Variants in PSIP1 observed in about 807,000 individuals in gnomAD.
PSIP1 encodes PC4 and SRSF1 interacting protein 1.
A neutral mutation model predicts 74.7 loss-of-function variants in PSIP1; 19 were observed. The observed-to-expected ratio is 0.25, with a 90% CI of 0.18 to 0.37. PSIP1 has a LOEUF of 0.37. Among genes scored for constraint, PSIP1 ranks in the 10% least tolerant of loss-of-function variants. PSIP1 has a pLI of 1.00. For synonymous variants in PSIP1, 222 were observed against 195.3 expected (o/e 1.14, Z -1.14); for missense variants, 601 against 614.3 (o/e 0.98, Z 0.23).
At chr9:15,483,625 C>A (rs1490184068) in intron 6 of PSIP1, among the ~76,000 whole-genome samples, 2 of 152,106 alleles carry the variant, frequency 1.3e-5, no homozygotes, top group African/African-American at 2.4e-5. Context: ...TTACTGACTA[C>A]TCAAATCCAT....
chr9:15,504,354 T>TA (rs144809181), intron 3 of PSIP1, among the ~76,000 whole-genome samples: 36,500 of 152,118 alleles, frequency 0.24, 7,362 homozygotes, highest in African/African-American at 0.56. Context: ...CATATATTTA[T>TA]ATATGAAAAT....
intron 2 of PSIP1, among the ~76,000 whole-genome samples, chr9:15,508,593 A>G (rs73423336): frequency 0.025 from 3,813 of 152,282 alleles, 157 homozygotes; most frequent in African/African-American, 0.086. Context: ...GCAAATCGGA[A>G]TATAGATCTA....
intron 7 of PSIP1, among the ~76,000 whole-genome samples, chr9:15,479,260 T>C (rs2132084372): frequency 6.6e-6 from 1 of 152,288 alleles, no homozygotes; most frequent in Admixed American, 6.5e-5. Flanking sequence ...TCAAATGCTA[T>C]TTCTCATTCT....
chr9:15,477,952 C>G (rs80175383), intron 8 of PSIP1, among the ~76,000 whole-genome samples: 1 of 150,976 alleles, frequency 6.6e-6, no homozygotes, highest in Non-Finnish European at 1.5e-5. Flanking sequence ...AGCCTGGGAA[C>G]GATGAGACCA....
At chr9:15,491,457 G>C (rs966279738) in intron 3 of PSIP1, among the ~76,000 whole-genome samples, 2 of 152,178 alleles carry the variant, frequency 1.3e-5, no homozygotes, top group African/African-American at 4.8e-5. Flanking sequence ...TGTACAACAA[G>C]TACTACTGAT....
chr9:15,469,084 AG>A (rs768873879), intron 12 of PSIP1, 26 bp from the exon 13 acceptor site: 1 of 1,579,190 alleles, frequency 6.3e-7, no homozygotes, highest in Non-Finnish European at 8.7e-7. Flanking sequence ...GTAATTTCAT[AG>A]CTGTTAATTA....
At chr9:15,498,046 T>A (rs1009358398) in intron 3 of PSIP1, among the ~76,000 whole-genome samples, 1 of 152,176 alleles carries the variant, frequency 6.6e-6, no homozygotes, top group African/African-American at 2.4e-5. Flanking sequence ...AATTTTATAT[T>A]ATAAAATCAC....
intron 14 of PSIP1, 157 bp downstream of exon 14, chr9:15,468,473 G>C: frequency 1.2e-6 from 1 of 835,500 alleles, no homozygotes; most frequent in East Asian, 2.4e-5. Context: ...CACTGCTCTA[G>C]TCCTTCAATA....
chr9:15,506,455 T>G, intron 3 of PSIP1, 106 bp downstream of exon 3: 1 of 783,512 alleles, frequency 1.3e-6, no homozygotes, highest in Non-Finnish European at 2.0e-6. Context: ...GTTCAAAGAT[T>G]TTAAAGTTTC....
chr9:15,488,785 G>A (rs1405023933), intron 4 of PSIP1, among the ~76,000 whole-genome samples: 1 of 152,066 alleles, frequency 6.6e-6, no homozygotes, highest in East Asian at 1.9e-4. Context: ...ACTCTGGGGG[G>A]CCGAGGCGGG....
In PSIP1 at chr9:15,510,237, A is replaced by T; in HGVS notation, c.-49T>A. ...CCGAAGCCCGGGAGGCGGCGAGGAG[A>T]TGCGGCGGCGCGGGGATGCGGGCGG... is the stretch of plus-strand genomic sequence containing the variant. On this transcript the variant is annotated 5_prime_UTR_variant, in exon 2 of 16. Coordinates refer to ENST00000380733, the MANE Select transcript of PSIP1 (RefSeq NM_033222.5). 1 of 1,564,170 alleles carries T rather than the reference A, an allele frequency of 6.4e-7. No individual in the cohort carries two copies. The highest frequency in any genetic ancestry group is 8.7e-7 in the Non-Finnish European group (1 of 1,150,316).
In PSIP1 at chr9:15,486,059, T is replaced by C. The variant is rs1336710401; in HGVS notation, c.403A>G (p.Lys135Glu). The C allele has an allele frequency of 1.2e-6, 2 of 1,604,554 alleles. No individual in the cohort carries two copies. The highest frequency in any genetic ancestry group is 1.7e-6 in the Non-Finnish European group (2 of 1,173,988). Residue 135 changes from lysine (K) to glutamate (E), a missense_variant, in exon 6 of 16, where the codon AAA becomes GAA. Lys to Glu is a moderately conservative substitution (Grantham distance 56). Transcript: ENST00000380733. The stretch of plus-strand genomic sequence containing the variant: ...TTTGGAGTAGTTATGTCAACTGCTT[T>C]AGTCACATCCTAAAAAAGAAAAAAG... ...EEKASNEDVT[K>E]AVDITTPKAA...
At chr9:15,505,061 C>A (rs2037524171) in intron 3 of PSIP1, 1 of 150,972 alleles carries the variant, frequency 6.6e-6, no homozygotes. Context: ...ACCTCAGCCT[C>A]TGGAGTAGCT....
Position 15,466,772 on chromosome 9 carries a change from T to C in PSIP1, c.1508A>G (p.Asn503Ser), listed in dbSNP as rs1235370206. 8 of 1,612,038 alleles carry C rather than the reference T, an allele frequency of 5.0e-6. No homozygotes were observed. Among genetic ancestry groups the C allele is most frequent in the African/African-American group, 4.0e-5 (3 of 74,776 alleles). ...CTTTTTCTTCGTGCTGGCTTCATGG[T>C]TGTCTTTGCTGTCTTCATTGCTCTC... ...NGESNEDSKD[N>S]HEASTKKKPS... Residue 503 changes from asparagine (N) to serine (S), a missense_variant, in exon 15 of 16, where the codon AAC becomes AGC. This residue lies in a region of PSIP1 where 538 missense variants were observed against 507.6 expected (regional missense o/e 1.06). Coordinates refer to ENST00000380733, the MANE Select transcript of PSIP1 (RefSeq NM_033222.5).
intron 2 of PSIP1, among the ~76,000 whole-genome samples, chr9:15,508,413 TGAACTTGTTAAATGTA>T (rs1227592128): frequency 6.6e-6 from 1 of 152,334 alleles, no homozygotes; most frequent in East Asian, 1.9e-4. Context: ...CCAATCCAAA[TGAACTTGTTAAATGTA>T]GAACTTGTTA....
Position 15,510,211 on chromosome 9 carries a change from T to TC in PSIP1, c.-24dup. 1 of 1,594,776 alleles carries TC rather than the reference T, an allele frequency of 6.3e-7. No homozygotes were observed. The highest frequency in any genetic ancestry group is 8.5e-7 in the Non-Finnish European group (1 of 1,171,592). On this transcript the variant is annotated 5_prime_UTR_variant, in exon 2 of 16. Transcript: ENST00000380733. ...CATGTTTCGGGGGCGAGACCGGGGG[T>TC]CCGAAGCCCGGGAGGCGGCGAGGAG...
At chr9:15,508,215 G>C (rs1359656628) in intron 2 of PSIP1, among the ~76,000 whole-genome samples, 2 of 152,210 alleles carry the variant, frequency 1.3e-5, no homozygotes, top group African/African-American at 4.8e-5. Flanking sequence ...ATTGCAACAA[G>C]AGGTGTCACC....
chr9:15,488,567 T>C (rs2036660887), intron 4 of PSIP1, among the ~76,000 whole-genome samples: 1 of 152,142 alleles, frequency 6.6e-6, no homozygotes, highest in Non-Finnish European at 1.5e-5. Context: ...GGAACATTCA[T>C]TTGGGAATAT....
chr9:15,485,895 G>C, intron 6 of PSIP1, 111 bp downstream of exon 6: 1 of 944,596 alleles, frequency 1.1e-6, no homozygotes, highest in Non-Finnish European at 1.6e-6. Context: ...AAAATTAAAG[G>C]GTTTAGAATA....
Sources: gnomAD v4.1 joint callset for allele counts (sites outside exome capture counted in the v4.1 genomes callset) on GRCh38, gnomAD v4.1.1 for gene constraint, gnomAD v4.1.1 regional missense constraint, MANE v1.5 for transcripts, NCBI Gene and HGNC (gene_info 2026-07-23, HGNC 2026-07-21) for gene names.